The following DHDDS variants were observed in gnomAD, a reference collection of about 807,000 sequenced individuals.
DHDDS encodes the protein dehydrodolichyl diphosphate synthase complex subunit DHDDS.
A neutral mutation model predicts 46.2 loss-of-function variants in DHDDS; 16 were observed. The observed-to-expected ratio is 0.35, with a 90% CI of 0.23 to 0.53. The LOEUF is 0.53. DHDDS is among the 20% of genes least tolerant of loss of function. The pLI is 0.94. For synonymous variants in DHDDS, 151 were observed against 163.1 expected, an observed-to-expected ratio of 0.93 and a Z score of 0.56; for missense variants, 340 against 423.7, an observed-to-expected ratio of 0.80 and a Z score of 1.73.
In DHDDS at chr1:26,471,277, T is replaced by C. The variant is rs994838169; in HGVS notation, c.*2146T>C. 6.6e-6 allele frequency: 1 copy of C among 152,192 alleles called. No individual in the cohort carries two copies. Among genetic ancestry groups the C allele is most frequent in the African/African-American group, 2.4e-5 (1 of 41,434 alleles). 9.4% of individuals were successfully genotyped at this position (152,192 alleles called of 1,614,324 possible). A position where few individuals can be genotyped will look rare whatever the true frequency, so the allele number is the denominator to read the frequency against. On this transcript the variant is annotated 3_prime_UTR_variant, in exon 9 of 9. Transcript: ENST00000236342. ...GTATTCTTGTGTGCTGGGTCTCAAA[T>C]AGAATTTTTAAAGATTCTTAGATGT... is the stretch of plus-strand genomic sequence containing the variant.
At chr1:26,463,992 CTTTTTTTTTTTTTTT>C (rs60149042) in intron 8 of DHDDS, among the ~76,000 whole-genome samples, 4 of 93,768 alleles carry the variant, frequency 4.3e-5, no homozygotes, top group Non-Finnish European at 8.0e-5. Flanking sequence ...TATTTGCAAA[CTTTTTTTTTTTTTTT>C]TTTTTTTTTG....
chr1:26,464,988 A>C (rs1454438892), intron 8 of DHDDS, among the ~76,000 whole-genome samples: 1 of 152,200 alleles, frequency 6.6e-6, no homozygotes, highest in Non-Finnish European at 1.5e-5. Context: ...CCAGGTGGTC[A>C]CCTAGCCAGT....
intron 8 of DHDDS, 143 bp downstream of exon 8, chr1:26,460,287 A>G (rs2075409718): frequency 2.7e-6 from 2 of 736,082 alleles, no homozygotes; most frequent in African/African-American, 1.7e-5. Flanking sequence ...CTGAGTATCT[A>G]CTACTTGTCA....
At chr1:26,438,078 T>C (rs1318746576) in intron 2 of DHDDS, 90 bp from the exon 3 acceptor site, 1 of 1,375,148 alleles carries the variant, frequency 7.3e-7, no homozygotes, top group Non-Finnish European at 1.0e-6. Flanking sequence ...TTTCATCACA[T>C]AGCCCAAACA....
At chr1:26,468,811 G>GGCCCCCCC in intron 8 of DHDDS, 84 bp from the exon 9 acceptor site, 23 of 637,946 alleles carry the variant, frequency 3.6e-5, no homozygotes, top group Non-Finnish European at 5.5e-5. Flanking sequence ...CCCACCCTGT[G>GGCCCCCCC]CCCCACCCCC....
intron 8 of DHDDS, 84 bp from the exon 9 acceptor site, chr1:26,468,811 G>GCCCCCCCCCCACCCCC: frequency 7.8e-6 from 5 of 637,974 alleles, no homozygotes; most frequent in Non-Finnish European, 1.0e-5. Context: ...CCCACCCTGT[G>GCCCCCCCCCCACCCCC]CCCCACCCCC....
intron 8 of DHDDS, among the ~76,000 whole-genome samples, chr1:26,465,251 TACATTTGTC>T (rs1184870339): frequency 6.6e-6 from 1 of 152,236 alleles, no homozygotes; most frequent in Non-Finnish European, 1.5e-5. Flanking sequence ...CTTCCTGTAG[TACATTTGTC>T]ACAATTTAAA....
intron 6 of DHDDS, chr1:26,455,328 G>T: frequency 2.0e-6 from 1 of 497,928 alleles, no homozygotes; most frequent in Non-Finnish European, 3.7e-6. Context: ...AAGATTGTCA[G>T]ATTACCAGAG....
chr1:26,456,188 GA>G (rs895657643), intron 6 of DHDDS, among the ~76,000 whole-genome samples: 2 of 151,970 alleles, frequency 1.3e-5, no homozygotes, highest in African/African-American at 4.8e-5. Flanking sequence ...AATGTTTCAG[GA>G]TCCATATGAC....
At chr1:26,456,423 C>G (rs1171887611) in intron 6 of DHDDS, among the ~76,000 whole-genome samples, 1 of 151,984 alleles carries the variant, frequency 6.6e-6, no homozygotes, top group Admixed American at 6.6e-5. Context: ...GACAGAGCCT[C>G]GCTCTGTCAC....
At chr1:26,438,077 A>G (rs1238348313) in intron 2 of DHDDS, 91 bp from the exon 3 acceptor site, 3 of 1,376,928 alleles carry the variant, frequency 2.2e-6, no homozygotes, top group East Asian at 2.3e-5. Context: ...TTTTCATCAC[A>G]TAGCCCAAAC....
chr1:26,442,275 C>T (rs75785568), intron 3 of DHDDS, among the ~76,000 whole-genome samples: 1,928 of 152,274 alleles, frequency 0.013, 22 homozygotes, highest in Admixed American at 0.025. Context: ...TCTCAACCTA[C>T]CAGAATAATG....
At chr1:26,435,633 G>C (rs550280944) in intron 2 of DHDDS, among the ~76,000 whole-genome samples, 1 of 147,262 alleles carries the variant, frequency 6.8e-6, no homozygotes, top group Non-Finnish European at 1.5e-5. Context: ...TCTTTTTTCC[G>C]AGATGGAGTC....
At chr1:26,454,433 C>T (rs936797334) in intron 6 of DHDDS, among the ~76,000 whole-genome samples, 1 of 152,106 alleles carries the variant, frequency 6.6e-6, no homozygotes. Context: ...GAGACTGAGT[C>T]TCTGAAGTCA....
At chr1:26,438,635 G>T (rs1301236923) in intron 3 of DHDDS, 7 of 315,730 alleles carry the variant, frequency 2.2e-5, no homozygotes, top group Non-Finnish European at 3.7e-5. Flanking sequence ...TGAGGTGGGA[G>T]GACTATCTGA....
intron 6 of DHDDS, among the ~76,000 whole-genome samples, chr1:26,455,706 A>C (rs186218211): frequency 7.0e-4 from 107 of 152,298 alleles, no homozygotes; most frequent in African/African-American, 2.4e-3. Flanking sequence ...AGATTGCGCC[A>C]CTGCACTCCA....
intron 3 of DHDDS, among the ~76,000 whole-genome samples, chr1:26,440,491 C>G (rs1172826881): frequency 6.6e-6 from 1 of 152,212 alleles, no homozygotes; most frequent in Non-Finnish European, 1.5e-5. Context: ...CAATCTCTAT[C>G]TCAGTAGATT....
At chr1:26,444,761 A>G (rs2075251891) in intron 4 of DHDDS, among the ~76,000 whole-genome samples, 1 of 152,194 alleles carries the variant, frequency 6.6e-6, no homozygotes, top group African/African-American at 2.4e-5. Context: ...AGAAAAAATA[A>G]TTAAAAATAA....
chr1:26,452,340 A>G (rs2075329584), intron 6 of DHDDS, among the ~76,000 whole-genome samples: 1 of 152,152 alleles, frequency 6.6e-6, no homozygotes, highest in African/African-American at 2.4e-5. Context: ...ACGGCACCTG[A>G]CCGAGGTATA....
Sources: allele counts gnomAD v4.1 joint callset (sites outside exome capture counted in the v4.1 genomes callset), GRCh38; gene constraint gnomAD v4.1.1; transcripts MANE v1.5; gene names NCBI Gene and HGNC (gene_info 2026-07-23, HGNC 2026-07-21).